Variants in QSOX1 observed in about 807,000 individuals in gnomAD.
QSOX1 encodes sulfhydryl oxidase 1.
A neutral mutation model predicts 76.1 loss-of-function variants in QSOX1; 40 were observed. The ratio of observed to expected loss-of-function variants is 0.53; its 90% CI spans 0.41 to 0.68. The LOEUF (loss-of-function observed/expected upper bound fraction) is 0.68, where lower values mean the gene tolerates loss of function less well. QSOX1 is among the 30% of genes least tolerant of loss of function. The probability of loss-of-function intolerance (pLI) is 0.00; values close to 1 mark genes in which losing one functional copy is unlikely to be tolerated. For synonymous variants in QSOX1, 392 were observed against 413.1 expected (o/e 0.95, Z 0.62); for missense variants, 931 against 974.3 (o/e 0.96, Z 0.59).
rs1034363243 is a variant in QSOX1, at chr1:180,198,917, C to T, written c.*1880C>T. On this transcript the variant is annotated 3_prime_UTR_variant, in exon 12 of 12. Transcript: ENST00000367602. ...GCCTGCCCTTCACCCCCTAAGGGCT[C>T]CTTGCCCAATGCCAAGTGCTGGGGA... 2.5e-5 allele frequency: 4 copies of T among 160,696 alleles called. No homozygotes were observed. Among genetic ancestry groups the T allele is most frequent in the Non-Finnish European group, 5.5e-5 (4 of 72,536 alleles). The allele number at this position is 160,696 out of a possible 1,614,324, so 10.0% of individuals were successfully genotyped here.
At chr1:180,158,504 GA>G (rs1662420759) in intron 1 of QSOX1, among the ~76,000 whole-genome samples, 1 of 152,212 alleles carries the variant, frequency 6.6e-6, no homozygotes, top group African/African-American at 2.4e-5. Context: ...TCTTGACTCA[GA>G]CCGGGGGTGT....
chr1:180,195,000 G>GGGGA, intron 11 of QSOX1, among the ~76,000 whole-genome samples: 1 of 151,202 alleles, frequency 6.6e-6, no homozygotes. Flanking sequence ...GCCTCCCGGG[G>GGGGA]GGGGGAGACC....
intron 8 of QSOX1, 101 bp downstream of exon 8, chr1:180,186,283 C>A (rs1166415833): frequency 6.8e-7 from 1 of 1,475,080 alleles, no homozygotes; most frequent in Admixed American, 2.1e-5. Context: ...CTCCAGAAGC[C>A]CATGGTCTGG....
intron 10 of QSOX1, among the ~76,000 whole-genome samples, chr1:180,193,236 G>T (rs1663364474): frequency 6.6e-6 from 1 of 152,102 alleles, no homozygotes; most frequent in Non-Finnish European, 1.5e-5. Context: ...ACACTAACGG[G>T]AGTGAAATCC....
intron 1 of QSOX1, among the ~76,000 whole-genome samples, chr1:180,157,350 C>CT (rs1402849933): frequency 1.3e-5 from 2 of 152,218 alleles, no homozygotes; most frequent in African/African-American, 4.8e-5. Context: ...GGGGTGTTCC[C>CT]TGGTGAGGCC....
chr1:180,176,099 T>A (rs1662885778), intron 4 of QSOX1, 66 bp downstream of exon 4: 3 of 1,337,326 alleles, frequency 2.2e-6, no homozygotes, highest in Non-Finnish European at 3.1e-6. Flanking sequence ...AGTGAGAGGG[T>A]GGTGGGAACA....
intron 1 of QSOX1, among the ~76,000 whole-genome samples, chr1:180,161,200 T>C (rs1662487394): frequency 6.6e-6 from 1 of 152,202 alleles, no homozygotes. Flanking sequence ...AAATTCAGAC[T>C]AATTTGCTTG....
rs1662346444 is a variant in QSOX1, at chr1:180,155,180, GC to G, written c.265+9del. 1.3e-6 allele frequency: 2 copies of G among 1,488,070 alleles called. No individual in the cohort carries two copies. The highest frequency in any genetic ancestry group is 8.9e-7 in the Non-Finnish European group (1 of 1,122,308). The allele number at this position is 1,488,070 out of a possible 1,614,324, so 92.2% of individuals were successfully genotyped here. On this transcript the variant is annotated intron_variant, in intron 1 of 11. Transcript: ENST00000367602. ...TGGCCGAAGACGTCAAAGGTGAGAA[GC>G]GGGGGCGGCCCGCTCCCCCGTGCCC...
intron 1 of QSOX1, among the ~76,000 whole-genome samples, chr1:180,163,133 CAAA>C (rs35476222): frequency 1.4e-5 from 2 of 140,264 alleles, no homozygotes; most frequent in South Asian, 2.2e-4. Flanking sequence ...TAAGGCTCAT[CAAA>C]AAAAAAAAAA....
In QSOX1 at chr1:180,197,950, G is replaced by A. The variant is rs1259193374; in HGVS notation, c.*913G>A. On this transcript the variant is annotated 3_prime_UTR_variant, in exon 12 of 12. Coordinates refer to ENST00000367602, the MANE Select transcript of QSOX1 (RefSeq NM_002826.5). ...TGTGCAGAAGTTAGAAGGGTCTGGC[G>A]GGGGCAGTGCCTTACACATGCTTGA... 3 of 348,142 alleles carry A rather than the reference G, an allele frequency of 8.6e-6. No individual in the cohort carries two copies. Among genetic ancestry groups the A allele is most frequent in the African/African-American group, 2.1e-5 (1 of 46,580 alleles). 21.6% of individuals were successfully genotyped at this position (348,142 alleles called of 1,614,324 possible).
intron 9 of QSOX1, among the ~76,000 whole-genome samples, chr1:180,189,880 G>A (rs1663267530): frequency 1.3e-5 from 2 of 152,190 alleles, no homozygotes; most frequent in African/African-American, 2.4e-5. Flanking sequence ...TTAGTGGAAG[G>A]TAGATATTCT....
At chr1:180,186,368 G>T (rs905685301) in intron 8 of QSOX1, among the ~76,000 whole-genome samples, 186 bp downstream of exon 8, 1 of 152,198 alleles carries the variant, frequency 6.6e-6, no homozygotes, top group Non-Finnish European at 1.5e-5. Flanking sequence ...CCCCACACCA[G>T]CCCCACACTG....
chr1:180,195,532 A>G (rs1289825253), intron 11 of QSOX1, among the ~76,000 whole-genome samples: 1 of 152,192 alleles, frequency 6.6e-6, no homozygotes, highest in Admixed American at 6.5e-5. Context: ...TCCCTGGGCA[A>G]CACTGCGTGA....
chr1:180,177,380 A>C (rs1290856531), intron 4 of QSOX1, among the ~76,000 whole-genome samples: 3 of 151,642 alleles, frequency 2.0e-5, no homozygotes, highest in Non-Finnish European at 4.4e-5. Context: ...CAGCCTCCCG[A>C]GTAGCTGGGA....
intron 1 of QSOX1, among the ~76,000 whole-genome samples, chr1:180,164,211 T>G (rs796992489): frequency 6.6e-6 from 1 of 152,212 alleles, no homozygotes; most frequent in African/African-American, 2.4e-5. Context: ...AGCCAAAGGA[T>G]GCACCCCAGC....
chr1:180,171,447 G>A (rs1662758110), intron 2 of QSOX1, among the ~76,000 whole-genome samples: 1 of 152,070 alleles, frequency 6.6e-6, no homozygotes, highest in African/African-American at 2.4e-5. Flanking sequence ...GGATGGTGGG[G>A]GAGGGGCAGT....
chr1:180,173,022 A>T (rs1390617146), intron 2 of QSOX1, among the ~76,000 whole-genome samples: 1 of 152,254 alleles, frequency 6.6e-6, no homozygotes, highest in Non-Finnish European at 1.5e-5. Context: ...GAAACCAGTC[A>T]AAGTGTAACC....
At chr1:180,175,580 T>C (rs769453640) in intron 3 of QSOX1, among the ~76,000 whole-genome samples, 5 of 152,096 alleles carry the variant, frequency 3.3e-5, no homozygotes, top group Non-Finnish European at 7.4e-5. Context: ...GTTGGACATA[T>C]CCAGGGCCCT....
intron 2 of QSOX1, among the ~76,000 whole-genome samples, chr1:180,174,222 C>T (rs958636159): frequency 4.6e-5 from 7 of 152,238 alleles, no homozygotes; most frequent in African/African-American, 1.7e-4. Context: ...CCTCCTGAAT[C>T]GGAAGAGCGC....
Sources: allele counts gnomAD v4.1 joint callset (sites outside exome capture counted in the v4.1 genomes callset), GRCh38; gene constraint gnomAD v4.1.1; transcripts MANE v1.5; gene names NCBI Gene and HGNC (gene_info 2026-07-23, HGNC 2026-07-21).